Variants in RYR2 observed in about 807,000 individuals in gnomAD.
RYR2 encodes cardiac muscle ryanodine receptor-calcium release channel.
RYR2 carries 227 observed loss-of-function variants against 601.1 expected under a neutral mutation model. The observed-to-expected ratio is 0.38, with a 90% CI of 0.34 to 0.42. The LOEUF (loss-of-function observed/expected upper bound fraction) is 0.42. RYR2 is among the 10% of genes least tolerant of loss of function. The pLI is 1.00. For synonymous variants in RYR2, 2,223 were observed against 2,175.1 expected (o/e 1.02, Z -0.61); for missense variants, 4,646 against 6,156.5 (o/e 0.75, Z 8.21).
chr1:237,208,208 G>A (rs997138468), intron 1 of RYR2, among the ~76,000 whole-genome samples: 4 of 152,170 alleles, frequency 2.6e-5, no homozygotes, highest in South Asian at 2.1e-4. Flanking sequence ...TGAAGTTATC[G>A]CTGGTAACCA....
intron 1 of RYR2, among the ~76,000 whole-genome samples, chr1:237,202,394 C>G (rs190325572): frequency 3.2e-4 from 48 of 152,220 alleles, no homozygotes; most frequent in Non-Finnish European, 4.3e-4. Context: ...CAAATTATAC[C>G]TGTACTTTCC....
At chr1:237,661,262 C>T (rs1368989784) in intron 56 of RYR2, among the ~76,000 whole-genome samples, 1 of 151,856 alleles carries the variant, frequency 6.6e-6, no homozygotes, top group Non-Finnish European at 1.5e-5. Context: ...AACCAAACAC[C>T]GCATGTTCTC....
intron 36 of RYR2, among the ~76,000 whole-genome samples, chr1:237,611,919 C>A (rs1252652485): frequency 6.6e-6 from 1 of 152,064 alleles, no homozygotes; most frequent in Non-Finnish European, 1.5e-5. Flanking sequence ...CAATTCTACT[C>A]CTCGTATATA....
At position 237,355,962 on chromosome 1, in the gene RYR2, C is replaced by T. The variant is rs776347774; in HGVS notation, c.274-3C>T. ...TATTTATTTTGGCTTTTTCTTTCCA[C>T]AGCAAGTTGATGTGGAAAAATGGGT... On this transcript the variant is annotated splice_region_variant and splice_polypyrimidine_tract_variant and intron_variant, in intron 3 of 104. Transcript: ENST00000366574. 1.1e-5 allele frequency: 18 copies of T among 1,603,282 alleles called. No individual in the cohort carries two copies. In the South Asian group the frequency reaches 1.3e-4, roughly 12 times the overall value.
chr1:237,407,518 T>C (rs1348886318), intron 10 of RYR2, among the ~76,000 whole-genome samples: 1 of 152,162 alleles, frequency 6.6e-6, no homozygotes, highest in Non-Finnish European at 1.5e-5. Flanking sequence ...TGTTGACATA[T>C]GACATTGAGC....
chr1:237,400,424 G>T (rs1030585752), intron 10 of RYR2, among the ~76,000 whole-genome samples: 3 of 152,042 alleles, frequency 2.0e-5, no homozygotes, highest in African/African-American at 7.2e-5. Flanking sequence ...GTGTCTCCCA[G>T]GTGGATAAAA....
At chr1:237,182,833 T>C (rs1370494952) in intron 1 of RYR2, among the ~76,000 whole-genome samples, 1 of 152,146 alleles carries the variant, frequency 6.6e-6, no homozygotes, top group Non-Finnish European at 1.5e-5. Flanking sequence ...GGCCAGACAT[T>C]TAGGCATTAC....
intron 8 of RYR2, among the ~76,000 whole-genome samples, chr1:237,383,265 AG>A (rs1701686957): frequency 6.6e-6 from 1 of 152,070 alleles, no homozygotes; most frequent in African/African-American, 2.4e-5. Context: ...AACTCCTGGA[AG>A]GTGATTTATC....
chr1:237,137,212 A>G (rs1385887681), intron 1 of RYR2, among the ~76,000 whole-genome samples: 2 of 152,072 alleles, frequency 1.3e-5, no homozygotes, highest in Admixed American at 1.3e-4. Context: ...CCCCTTAAGG[A>G]ACAATTATTT....
intron 3 of RYR2, among the ~76,000 whole-genome samples, chr1:237,353,766 T>C (rs1204297139): frequency 6.6e-6 from 1 of 152,174 alleles, no homozygotes; most frequent in Non-Finnish European, 1.5e-5. Flanking sequence ...CCTGCAGATA[T>C]TAAAATAGTC....
intron 24 of RYR2, among the ~76,000 whole-genome samples, chr1:237,515,952 C>G (rs1213226352): frequency 1.0e-5 from 1 of 95,288 alleles, no homozygotes; most frequent in Non-Finnish European, 2.3e-5. Context: ...TCTCCTTGCT[C>G]TTCTCCTTCT....
In RYR2 at chr1:237,742,314, G is replaced by T; in HGVS notation, c.11110G>T (p.Asp3704Tyr). ...TATACAGAGTTGTCATGATGAGGAA[G>T]ATGACGATGGTGAAGAGGAAGTGAA... ...IMAKSCHDEE[D>Y]DDGEEEVKSF... Residue 3704 changes from aspartate to tyrosine, a missense_variant, in exon 80 of 105, where the codon GAT becomes TAT. This residue lies in a region of RYR2 where 1,497 missense variants were observed against 1,842.6 expected (regional missense o/e 0.81). Coordinates refer to ENST00000366574, the MANE Select transcript of RYR2 (RefSeq NM_001035.3). The T allele has an allele frequency of 6.4e-7, 1 of 1,553,232 alleles. No homozygotes were observed.
intron 56 of RYR2, among the ~76,000 whole-genome samples, chr1:237,666,294 G>T (rs1251725499): frequency 6.6e-6 from 1 of 152,122 alleles, no homozygotes; most frequent in Non-Finnish European, 1.5e-5. Context: ...ATTCCGATAG[G>T]CAATTTTCAG....
chr1:237,340,624 T>G (rs896313439), intron 3 of RYR2, among the ~76,000 whole-genome samples: 1 of 152,194 alleles, frequency 6.6e-6, no homozygotes, highest in Non-Finnish European at 1.5e-5. Context: ...TAACCTTATT[T>G]TAAGAGGCTG....
chr1:237,526,014 C>A (rs1005069018), intron 24 of RYR2, among the ~76,000 whole-genome samples: 2 of 151,728 alleles, frequency 1.3e-5, no homozygotes, highest in African/African-American at 2.4e-5. Context: ...ATAATGATTT[C>A]TTTTCCTTTG....
intron 2 of RYR2, among the ~76,000 whole-genome samples, chr1:237,329,700 G>T (rs574146930): frequency 6.6e-6 from 1 of 152,020 alleles, no homozygotes; most frequent in African/African-American, 2.4e-5. Context: ...GACAAGTACT[G>T]CTCTCCTACG....
chr1:237,044,659 T>C (rs550726460), intron 1 of RYR2, among the ~76,000 whole-genome samples: 1 of 135,212 alleles, frequency 7.4e-6, no homozygotes, highest in Admixed American at 7.3e-5. Flanking sequence ...TTTTTTTTGG[T>C]ATAGCATTAA....
chr1:237,730,932 G>T (rs371112533), intron 77 of RYR2, among the ~76,000 whole-genome samples: 32 of 152,214 alleles, frequency 2.1e-4, no homozygotes, highest in African/African-American at 7.7e-4. Flanking sequence ...TCTGGCAAAA[G>T]CCATCTTCTC....
intron 97 of RYR2, among the ~76,000 whole-genome samples, chr1:237,800,707 A>AT: frequency 6.6e-6 from 1 of 152,378 alleles, no homozygotes; most frequent in East Asian, 1.9e-4. Context: ...TTTCTAGCCT[A>AT]TAAATCAGTG....
Sources: allele counts gnomAD v4.1 joint callset (sites outside exome capture counted in the v4.1 genomes callset), GRCh38; gene constraint gnomAD v4.1.1; regional missense constraint gnomAD v4.1.1; transcripts MANE v1.5; gene names NCBI Gene and HGNC (gene_info 2026-07-23, HGNC 2026-07-21).